The following PRKCH variants were observed in gnomAD, a reference collection of about 807,000 sequenced individuals.
PRKCH encodes protein kinase C eta type.
PRKCH carries 28 observed loss-of-function variants against 82.5 expected under a neutral mutation model. The observed-to-expected ratio is 0.34, with a 90% CI of 0.25 to 0.47. PRKCH has a LOEUF of 0.47. Ranked by LOEUF, PRKCH falls within the 20% of genes least tolerant of loss-of-function variation. The pLI is 1.00. For missense variants in PRKCH, 705 were observed against 881.8 expected, an observed-to-expected ratio of 0.80 and a Z score of 2.54; for synonymous variants, 322 against 327.4, an observed-to-expected ratio of 0.98 and a Z score of 0.18.
At chr14:61,232,143 C>T (rs1042662866) in intron 1 of PRKCH, among the ~76,000 whole-genome samples, 1 of 152,318 alleles carries the variant, frequency 6.6e-6, no homozygotes, top group South Asian at 2.1e-4. Flanking sequence ...TCCCACAATC[C>T]CCCACTACGG....
At chr14:61,543,202 T>C (rs979800053) in intron 12 of PRKCH, among the ~76,000 whole-genome samples, 2 of 152,166 alleles carry the variant, frequency 1.3e-5, no homozygotes, top group African/African-American at 4.8e-5. Context: ...CCAAATCCTT[T>C]ACATGTCCCC....
At position 61,322,072 on chromosome 14, in the gene PRKCH, G is replaced by T. The variant is rs952171153; in HGVS notation, c.-30G>T. The T allele has an allele frequency of 2.6e-6, 4 of 1,509,492 alleles. No homozygotes were observed. Among genetic ancestry groups the T allele is most frequent in the Non-Finnish European group, 2.7e-6 (3 of 1,123,506 alleles). The allele number at this position is 1,509,492 out of a possible 1,614,324, so 93.5% of individuals were successfully genotyped here. A position where few individuals can be genotyped will look rare whatever the true frequency, so the allele number is the denominator to read the frequency against. ...GGTTCTCCCGCTGCGAAGCAGCGCG[G>T]CCCCCCGGGGCCGGGGCAGCGGCGC... On this transcript the variant is annotated 5_prime_UTR_variant, in exon 1 of 14. Transcript: ENST00000332981.
intron 12 of PRKCH, chr14:61,544,502 GCCCTC>G: frequency 6.6e-6 from 1 of 152,268 alleles, no homozygotes; most frequent in East Asian, 1.9e-4. Context: ...AATCTAACCT[GCCCTC>G]CCAGCTTCAG....
At position 61,449,187 on chromosome 14, in the gene PRKCH, C is replaced by T. The variant is rs202180210; in HGVS notation, c.637C>T (p.Arg213Cys). Residue 213 changes from arginine (R) to cysteine (C), a missense_variant, in exon 5 of 14, where the codon CGC becomes TGC. Coordinates refer to ENST00000332981, the MANE Select transcript of PRKCH (RefSeq NM_006255.5). ...CQVCTCVVHK[R>C]CHHLIVTACT... is the part of the protein sequence containing the mutation. ...AGTGTGCACCTGTGTCGTCCATAAA[C>T]GCTGCCATCATCTAATTGTTACAGC... 1.4e-5 allele frequency: 23 copies of T among 1,613,886 alleles called. No individual in the cohort carries two copies. Among genetic ancestry groups the T allele is most frequent in the East Asian group, 2.2e-5 (1 of 44,896 alleles).
intron 1 of PRKCH, among the ~76,000 whole-genome samples, chr14:61,261,278 G>A (rs973714726): frequency 4.6e-5 from 7 of 152,214 alleles, no homozygotes; most frequent in Non-Finnish European, 1.0e-4. Context: ...TCAATAAAGT[G>A]GTGGCCTGGC....
chr14:61,446,198 A>G (rs535104303), intron 4 of PRKCH, among the ~76,000 whole-genome samples: 1 of 152,214 alleles, frequency 6.6e-6, no homozygotes, highest in Non-Finnish European at 1.5e-5. Context: ...AAAGTGAGAA[A>G]TGTTCAAAGT....
intron 9 of PRKCH, among the ~76,000 whole-genome samples, chr14:61,482,741 CTG>C (rs545966439): frequency 1.7e-3 from 264 of 152,316 alleles, no homozygotes; most frequent in African/African-American, 6.3e-3. Flanking sequence ...TGGTCCCTCA[CTG>C]TGTAGCAGAG....
chr14:61,232,795 A>G (rs1394225608), intron 1 of PRKCH, among the ~76,000 whole-genome samples: 1 of 152,130 alleles, frequency 6.6e-6, no homozygotes, highest in Admixed American at 6.5e-5. Flanking sequence ...CCTTGAGGTT[A>G]GGGGATGGGG....
intron 10 of PRKCH, among the ~76,000 whole-genome samples, chr14:61,502,184 C>T (rs1375102833): frequency 6.6e-6 from 1 of 151,090 alleles, no homozygotes; most frequent in Non-Finnish European, 1.5e-5. Flanking sequence ...CCTACCTCAG[C>T]CTCTTGAGTA....
chr14:61,407,475 T>C (rs1319937160), intron 2 of PRKCH, among the ~76,000 whole-genome samples: 1 of 152,166 alleles, frequency 6.6e-6, no homozygotes, highest in African/African-American at 2.4e-5. Flanking sequence ...GGAACTGTAT[T>C]GATTTCCTTA....
chr14:61,401,471 A>C (rs1243446440), intron 2 of PRKCH, among the ~76,000 whole-genome samples: 1 of 152,226 alleles, frequency 6.6e-6, no homozygotes, highest in African/African-American at 2.4e-5. Context: ...AGACATTTTC[A>C]GGAAGTCTGC....
chr14:61,428,112 C>CACATATATATATAT lies in PRKCH; in HGVS notation c.428-14998_428-14997insCATATATATATATA, dbSNP rs1391102641. On this transcript the variant is annotated intron_variant, in intron 2 of 13. Transcript: ENST00000332981. ...ACACACACACATATATATATACACA[C>CACATATATATATAT]ATATATATATATATATATATGTATC... Among the ~76,000 whole-genome samples, 109 of 145,588 alleles carry CACATATATATATAT rather than the reference C, an allele frequency of 7.5e-4. No homozygotes were observed. In the East Asian group the frequency reaches 0.014, roughly 19 times the overall value.
At chr14:61,188,595 GGT>G (rs1474217205) in intron 1 of PRKCH, among the ~76,000 whole-genome samples, 2 of 72,026 alleles carry the variant, frequency 2.8e-5, no homozygotes, top group Admixed American at 1.4e-4. Context: ...GTGTCGGGGG[GGT>G]GGGGGGGTGG....
chr14:61,242,181 GGAAGA>G (rs1213739094), intron 1 of PRKCH, among the ~76,000 whole-genome samples: 1 of 152,148 alleles, frequency 6.6e-6, no homozygotes, highest in East Asian at 1.9e-4. Flanking sequence ...CAATGGAGCA[GGAAGA>G]GTCCCAAATT....
At chr14:61,282,512 A>G (rs539377908) in intron 1 of PRKCH, among the ~76,000 whole-genome samples, 1 of 152,318 alleles carries the variant, frequency 6.6e-6, no homozygotes, top group South Asian at 2.1e-4. Context: ...ATTAAATTTA[A>G]CAGAGGAATG....
intron 1 of PRKCH, among the ~76,000 whole-genome samples, chr14:61,380,807 T>C (rs1004254065): frequency 6.6e-6 from 1 of 152,166 alleles, no homozygotes; most frequent in African/African-American, 2.4e-5. Context: ...AGAGAAAAAA[T>C]AGTTTTGACT....
Position 61,434,300 on chromosome 14 carries a change from G to A in PRKCH, c.428-8811G>A, listed in dbSNP as rs532372590. Among the ~76,000 whole-genome samples, 5 of 152,266 alleles carry A rather than the reference G, an allele frequency of 3.3e-5. No homozygotes were observed. The South Asian group carries it at 8.3e-4, about 25-fold the overall frequency. On this transcript the variant is annotated intron_variant, in intron 2 of 13. Transcript: ENST00000332981. ...ATAGAATGACAGTGAGAGTCATAGT[G>A]GGGTTGCACCTCCACATGATGCAAC...
chr14:61,270,590 T>G (rs1286474549), intron 1 of PRKCH, among the ~76,000 whole-genome samples: 2 of 152,220 alleles, frequency 1.3e-5, no homozygotes, highest in Admixed American at 1.3e-4. Context: ...AATTTCTTAA[T>G]GAGGTCGCAA....
At chr14:61,335,714 T>C (rs1160631686) in intron 1 of PRKCH, among the ~76,000 whole-genome samples, 2 of 152,262 alleles carry the variant, frequency 1.3e-5, no homozygotes, top group Admixed American at 1.3e-4. Flanking sequence ...TTTTAGATAA[T>C]GCCTATTTTG....
Sources: allele counts gnomAD v4.1 joint callset (sites outside exome capture counted in the v4.1 genomes callset), GRCh38; gene constraint gnomAD v4.1.1; transcripts MANE v1.5; gene names NCBI Gene and HGNC (gene_info 2026-07-23, HGNC 2026-07-21).